NXN: variants seen among roughly 807,000 people sequenced by gnomAD.
NXN encodes the protein nucleoredoxin 1.
In NXN, 16 loss-of-function variants were observed where a neutral mutation model predicts 48.6. That is an observed-to-expected ratio of 0.33 (90% CI 0.22 to 0.50). The LOEUF (loss-of-function observed/expected upper bound fraction) is 0.50. Ranked by LOEUF, NXN falls within the 20% of genes least tolerant of loss-of-function variation. The pLI is 0.98. For missense variants in NXN, 492 were observed against 605.5 expected (o/e 0.81, Z 1.97); for synonymous variants, 281 against 269.6 (o/e 1.04, Z -0.41).
chr17:954,093 C>T (rs2069141381), intron 1 of NXN, among the ~76,000 whole-genome samples: 1 of 152,134 alleles, frequency 6.6e-6, no homozygotes, highest in Admixed American at 6.6e-5. Flanking sequence ...GATTCTCACT[C>T]CTGGCCAGGC....
At chr17:921,782 C>T (rs973397314) in intron 1 of NXN, among the ~76,000 whole-genome samples, 2 of 151,652 alleles carry the variant, frequency 1.3e-5, no homozygotes, top group Non-Finnish European at 2.9e-5. Context: ...CCCTGGACAA[C>T]ACCTGGCCGG....
chr17:822,558 G>A, intron 3 of NXN, 101 bp from the exon 4 acceptor site: 1 of 794,192 alleles, frequency 1.3e-6, no homozygotes, highest in Non-Finnish European at 2.1e-6. Flanking sequence ...GCAGGACTGG[G>A]ACAGCAAAAT....
At chr17:969,153 C>T (rs945268541) in intron 1 of NXN, among the ~76,000 whole-genome samples, 4 of 152,106 alleles carry the variant, frequency 2.6e-5, no homozygotes, top group Non-Finnish European at 4.4e-5. Flanking sequence ...GCCTGGTAAA[C>T]ATTTAAACGG....
chr17:926,140 T>G (rs1381320051), intron 1 of NXN, among the ~76,000 whole-genome samples: 3 of 152,316 alleles, frequency 2.0e-5, no homozygotes, highest in African/African-American at 7.2e-5. Context: ...AAGACAATGT[T>G]AGATCCGCAC....
Position 979,741 on chromosome 17 carries a change from G to A in NXN, c.-63C>T. The stretch of plus-strand genomic sequence containing the variant: ...CGCTCCACGGTCCGCGCGGCGGGAG[G>A]AGGCGGCGGCGTCGGCGGCAGGCGC... On this transcript the variant is annotated 5_prime_UTR_variant, in exon 1 of 8. Transcript: ENST00000336868. 2 of 1,245,448 alleles carry A rather than the reference G, an allele frequency of 1.6e-6. No individual in the cohort carries two copies. Among genetic ancestry groups the A allele is most frequent in the African/African-American group, 1.6e-5 (1 of 62,876 alleles). 77.1% of individuals were successfully genotyped at this position (1,245,448 alleles called of 1,614,324 possible).
intron 1 of NXN, among the ~76,000 whole-genome samples, chr17:904,525 C>T (rs77685445): frequency 0.013 from 2,053 of 152,234 alleles, 49 homozygotes; most frequent in African/African-American, 0.047. Flanking sequence ...GGAACTCACC[C>T]ACATGGCAGT....
In NXN at chr17:964,363, C is replaced by T. The variant is rs1048357658; in HGVS notation, c.360+14956G>A. ...TCAGAAAAAATGTCACTAATTTCTT[C>T]ACAAGAAAGAAGGGCTTCAAAAAGC... On this transcript the variant is annotated intron_variant, in intron 1 of 7. Transcript: ENST00000336868. Among the ~76,000 whole-genome samples, 5 of 152,150 alleles carry T rather than the reference C, an allele frequency of 3.3e-5. No individual in the cohort carries two copies. In the East Asian group the frequency reaches 5.8e-4, roughly 18 times the overall value.
At chr17:874,440 C>T (rs573226501) in intron 1 of NXN, among the ~76,000 whole-genome samples, 174 of 152,260 alleles carry the variant, frequency 1.1e-3, no homozygotes, top group African/African-American at 4.1e-3. Flanking sequence ...AAAAATTAGC[C>T]GGGCGTGGTG....
chr17:801,993 A>G (rs689250), intron 7 of NXN, among the ~76,000 whole-genome samples: 83,174 of 152,148 alleles, frequency 0.55, 23,372 homozygotes, highest in East Asian at 0.79. Context: ...TATCTGAGAA[A>G]GAAGCTGGCA....
Position 955,953 on chromosome 17 carries a change from G to C in NXN, c.360+23366C>G, listed in dbSNP as rs78652320. ...AATATGACTGGCCCAGCCATACAGA[G>C]GCTGAGAATCTGGAGGCTGGTCTGC... On this transcript the variant is annotated intron_variant, in intron 1 of 7. Coordinates refer to ENST00000336868, the MANE Select transcript of NXN (RefSeq NM_022463.5). 2.4e-3 allele frequency among the ~76,000 whole-genome samples: 364 copies of C among 151,840 alleles called. 1 individual carries two copies. The highest frequency in any genetic ancestry group is 8.5e-3 in the African/African-American group (350 of 41,418).
At chr17:886,019 T>C (rs2068343515) in intron 1 of NXN, among the ~76,000 whole-genome samples, 1 of 151,768 alleles carries the variant, frequency 6.6e-6, no homozygotes, top group Non-Finnish European at 1.5e-5. Flanking sequence ...CCTTAGAAAA[T>C]TCTAACCAAA....
At position 814,175 on chromosome 17, in the gene NXN, C is replaced by T. The variant is rs1032000358; in HGVS notation, c.820+5264G>A. Among the ~76,000 whole-genome samples the T allele has an allele frequency of 5.4e-5, 7 of 128,888 alleles. No individual in the cohort carries two copies. In the East Asian group the frequency reaches 1.1e-3, roughly 21 times the overall value. 84.6% of individuals were successfully genotyped at this position (128,888 alleles called of 152,430 possible). ...TACTCCGGAGGCTGACGCAGGAGAACGGCGTGAACCCGGAAGGCAGATGTA... is the reference window on the plus strand; with the variant it reads ...TACTCCGGAGGCTGACGCAGGAGAATGGCGTGAACCCGGAAGGCAGATGTA... On this transcript the variant is annotated intron_variant, in intron 5 of 7. Transcript: ENST00000336868.
intron 1 of NXN, among the ~76,000 whole-genome samples, chr17:924,494 C>T (rs879563887): frequency 2.6e-5 from 4 of 152,240 alleles, no homozygotes; most frequent in African/African-American, 4.8e-5. Flanking sequence ...ACCTCGGCCT[C>T]CCGAAGTGCT....
intron 1 of NXN, among the ~76,000 whole-genome samples, chr17:897,845 T>C (rs1446892914): frequency 6.6e-6 from 1 of 152,124 alleles, no homozygotes; most frequent in East Asian, 1.9e-4. Context: ...ATGGCTACTT[T>C]TTCTATTTTT....
intron 1 of NXN, among the ~76,000 whole-genome samples, chr17:866,691 A>G (rs1157256312): frequency 2.0e-5 from 3 of 152,230 alleles, no homozygotes; most frequent in African/African-American, 7.2e-5. Context: ...AAAGAAAGAA[A>G]AAGTCCTGGC....
intron 1 of NXN, chr17:897,036 A>G: frequency 9.2e-7 from 1 of 1,088,248 alleles, no homozygotes; most frequent in South Asian, 2.1e-5. Context: ...CGTGCCTAAC[A>G]ACAGCGTCAC....
intron 1 of NXN, among the ~76,000 whole-genome samples, chr17:869,333 T>C (rs1188983394): frequency 6.6e-6 from 1 of 152,144 alleles, no homozygotes; most frequent in Non-Finnish European, 1.5e-5. Flanking sequence ...ATCCAGCTTC[T>C]GACTCACCAG....
chr17:841,569 C>A (rs1914276136), intron 1 of NXN, among the ~76,000 whole-genome samples: 1 of 132,914 alleles, frequency 7.5e-6, no homozygotes, highest in Admixed American at 7.5e-5. Context: ...CCCCCCTGAC[C>A]ACGGAGCATC....
chr17:848,891 C>T (rs548745375), intron 1 of NXN, among the ~76,000 whole-genome samples: 2 of 152,288 alleles, frequency 1.3e-5, no homozygotes, highest in African/African-American at 4.8e-5. Flanking sequence ...AGGCCAAGTA[C>T]CTATCCACTG....
Sources: allele counts gnomAD v4.1 joint callset (sites outside exome capture counted in the v4.1 genomes callset), GRCh38; gene constraint gnomAD v4.1.1; transcripts MANE v1.5; gene names NCBI Gene and HGNC (gene_info 2026-07-23, HGNC 2026-07-21).